Variants in OR10A2 observed in about 807,000 individuals in gnomAD.
The protein encoded by OR10A2 is olfactory receptor family 10 subfamily A member 2.
A neutral mutation model predicts 13.7 loss-of-function variants in OR10A2; 15 were observed. That is an observed-to-expected ratio of 1.10 (90% CI 0.73 to 1.69). The LOEUF (loss-of-function observed/expected upper bound fraction) is 1.69. OR10A2 is among the 40% of genes most tolerant of loss of function. The pLI, the probability that OR10A2 is intolerant of heterozygous loss-of-function variation, is 0.00. For synonymous variants in OR10A2, 145 were observed against 144.7 expected (o/e 1.00, Z -0.02); for missense variants, 343 against 361.1 (o/e 0.95, Z 0.41).
intron 1 of OR10A2, among the ~76,000 whole-genome samples, chr11:6,863,711 C>T (rs1439368787): frequency 4.6e-5 from 7 of 152,110 alleles, no homozygotes; most frequent in Admixed American, 4.6e-4. Flanking sequence ...AAAAGACTTG[C>T]CTCAGTGGAA....
In OR10A2 at chr11:6,872,813, CTTTCTTT is replaced by C. The variant is rs1186388201; in HGVS notation, c.*2151_*2157del. The C allele has an allele frequency of 1.7e-5, 2 of 120,146 alleles. No individual in the cohort carries two copies. The highest frequency in any genetic ancestry group is 9.3e-5 in the Admixed American group (1 of 10,740). The allele number at this position is 120,146 out of a possible 1,614,324, so 7.4% of individuals were successfully genotyped here. The stretch of plus-strand genomic sequence containing the variant: ...CAAGTGTTTCTCTTTTCTTTTCTTT[CTTTCTTT>C]TTTTTTTTTTTTTTGAGACAAAGGT... On this transcript the variant is annotated 3_prime_UTR_variant, in exon 2 of 2. Transcript: ENST00000641461.
Position 6,869,964 on chromosome 11 carries a change from G to T in OR10A2, c.210G>T (p.Gly70=), listed in dbSNP as rs1173249863. Reference sequence around the variant, plus strand: ...TAGTCATTGTGCCCAAAATGCTGGGGACCCTGCTTGCCCAGGACACAACCA... The same window carrying T: ...TAGTCATTGTGCCCAAAATGCTGGGTACCCTGCTTGCCCAGGACACAACCA... ...FNLVIVPKML[G]TLLAQDTTIS... The change falls in exon 2 of 2, where the codon GGG becomes GGT. Residue 70 remains glycine (G), a synonymous_variant. Coordinates refer to ENST00000641461, the MANE Select transcript of OR10A2 (RefSeq NM_001004460.2). 6 of 1,613,974 alleles carry T rather than the reference G, an allele frequency of 3.7e-6. No individual in the cohort carries two copies. The East Asian group carries it at 1.3e-4, about 36-fold the overall frequency.
At position 6,870,727 on chromosome 11, in the gene OR10A2, T is replaced by C; in HGVS notation, c.*61T>C. ...AAACAATCAGTCCCAGATTTGAGAT[T>C]CCTCTCTGCATCTTTCCACATCTCC... On this transcript the variant is annotated 3_prime_UTR_variant, in exon 2 of 2. Coordinates refer to ENST00000641461, the MANE Select transcript of OR10A2 (RefSeq NM_001004460.2). The C allele has an allele frequency of 7.7e-7, 1 of 1,304,466 alleles. No individual in the cohort carries two copies. Among genetic ancestry groups the C allele is most frequent in the East Asian group, 2.3e-5 (1 of 43,106 alleles). 80.8% of individuals were successfully genotyped at this position (1,304,466 alleles called of 1,614,324 possible). A position where few individuals can be genotyped will look rare whatever the true frequency, so the allele number is the denominator to read the frequency against.
intron 1 of OR10A2, among the ~76,000 whole-genome samples, chr11:6,866,674 T>C (rs2133068207): frequency 2.0e-5 from 3 of 152,230 alleles, no homozygotes; most frequent in Middle Eastern, 6.8e-3. Context: ...ATTTTTTTGT[T>C]TGGTTGTGGT....
Position 6,863,114 on chromosome 11 carries a change from G to A in OR10A2, c.-370G>A, listed in dbSNP as rs1357886968. 6.6e-6 allele frequency: 1 copy of A among 152,274 alleles called. No homozygotes were observed. The highest frequency in any genetic ancestry group is 1.5e-5 in the Non-Finnish European group (1 of 68,084). 9.4% of individuals were successfully genotyped at this position (152,274 alleles called of 1,614,324 possible). ...GAACAACTCTCCCAAAACCAGGACT[G>A]GGAGCATGGCCAAACTTCATAGTGA... On this transcript the variant is annotated 5_prime_UTR_variant, in exon 1 of 2. Coordinates refer to ENST00000641461, the MANE Select transcript of OR10A2 (RefSeq NM_001004460.2).
rs529999136 is a variant in OR10A2, at chr11:6,863,287, A to G, written c.-197A>G. 1 of 151,552 alleles carries G rather than the reference A, an allele frequency of 6.6e-6. No homozygotes were observed. Among genetic ancestry groups the G allele is most frequent in the Non-Finnish European group, 1.5e-5 (1 of 67,890 alleles). 9.4% of individuals were successfully genotyped at this position (151,552 alleles called of 1,614,324 possible). On this transcript the variant is annotated 5_prime_UTR_variant, in exon 1 of 2. Transcript: ENST00000641461. ...TAGAGCTGTTATATTACATGCATGA[A>G]GGACATGCATGAAGCATGGATGTCA...
chr11:6,865,900 C>A (rs2133067895), intron 1 of OR10A2, among the ~76,000 whole-genome samples: 1 of 152,282 alleles, frequency 6.6e-6, no homozygotes, highest in South Asian at 2.1e-4. Context: ...TCTTTTATAT[C>A]CAGACCTGCT....
intron 1 of OR10A2, among the ~76,000 whole-genome samples, chr11:6,866,112 G>T (rs375815900): frequency 2.2e-4 from 33 of 152,260 alleles, no homozygotes; most frequent in African/African-American, 5.8e-4. Context: ...GTTTACTAAG[G>T]TATAAATGCA....
chr11:6,870,861 C>G lies in OR10A2; in HGVS notation c.*195C>G. 2.0e-6 allele frequency: 1 copy of G among 496,250 alleles called. No homozygotes were observed. The highest frequency in any genetic ancestry group is 3.5e-6 in the Non-Finnish European group (1 of 282,524). 30.7% of individuals were successfully genotyped at this position (496,250 alleles called of 1,614,324 possible). A position where few individuals can be genotyped will look rare whatever the true frequency, so the allele number is the denominator to read the frequency against. ...CCACCAACTATGAAAACTCCTCTGC[C>G]TGCCCATTGTAGACTTACATTGTTT... On this transcript the variant is annotated 3_prime_UTR_variant, in exon 2 of 2. Transcript: ENST00000641461.
At position 6,874,289 on chromosome 11, in the gene OR10A2, T is replaced by A. The variant is rs528671340; in HGVS notation, c.*3623T>A. The A allele has an allele frequency of 1.5e-3, 236 of 152,332 alleles. No homozygotes were observed. Among genetic ancestry groups the A allele is most frequent in the African/African-American group, 5.4e-3 (226 of 41,576 alleles). 9.4% of individuals were successfully genotyped at this position (152,332 alleles called of 1,614,324 possible). A position where few individuals can be genotyped will look rare whatever the true frequency, so the allele number is the denominator to read the frequency against. ...TACTGGGCATCTACCTTTCTAGGCATTGGGGTAAAAAAATGAATAACACAA... is the reference window on the plus strand; with the variant it reads ...TACTGGGCATCTACCTTTCTAGGCAATGGGGTAAAAAAATGAATAACACAA... On this transcript the variant is annotated 3_prime_UTR_variant, in exon 2 of 2. Coordinates refer to ENST00000641461, the MANE Select transcript of OR10A2 (RefSeq NM_001004460.2).
In OR10A2 at chr11:6,869,607, C is replaced by A; in HGVS notation, c.-132-16C>A. On this transcript the variant is annotated splice_polypyrimidine_tract_variant and intron_variant, in intron 1 of 1. Coordinates refer to ENST00000641461, the MANE Select transcript of OR10A2 (RefSeq NM_001004460.2). The stretch of plus-strand genomic sequence containing the variant: ...TCCTCTGCCTGAGGTGCTGACCTTG[C>A]CTCTTTCCCTGACAGTAAGAACGAG... 1 of 744,370 alleles carries A rather than the reference C, an allele frequency of 1.3e-6. No individual in the cohort carries two copies. Among genetic ancestry groups the A allele is most frequent in the South Asian group, 1.7e-5 (1 of 58,710 alleles). 46.1% of individuals were successfully genotyped at this position (744,370 alleles called of 1,614,324 possible).
Position 6,870,878 on chromosome 11 carries a change from A to G in OR10A2, c.*212A>G. 1 of 448,274 alleles carries G rather than the reference A, an allele frequency of 2.2e-6. No homozygotes were observed. The highest frequency in any genetic ancestry group is 3.9e-6 in the Non-Finnish European group (1 of 254,410). 27.8% of individuals were successfully genotyped at this position (448,274 alleles called of 1,614,324 possible). On this transcript the variant is annotated 3_prime_UTR_variant, in exon 2 of 2. Transcript: ENST00000641461. ...TCCTCTGCCTGCCCATTGTAGACTT[A>G]CATTGTTTTCCTTGTTTCAACTGGT...
chr11:6,863,700 A>G (rs1194619673), intron 1 of OR10A2, among the ~76,000 whole-genome samples: 2 of 152,164 alleles, frequency 1.3e-5, no homozygotes, highest in South Asian at 2.1e-4. Context: ...AAGTAACACA[A>G]AAAAGACTTG....
At position 6,870,162 on chromosome 11, in the gene OR10A2, G is replaced by C; in HGVS notation, c.408G>C (p.Trp136Cys). 6.2e-7 allele frequency: 1 copy of C among 1,614,216 alleles called. No homozygotes were observed. The highest frequency in any genetic ancestry group is 8.5e-7 in the Non-Finnish European group (1 of 1,180,040). ...RTRAKLAAASWFPGFPVATVQ... is the reference protein window; with the variant it reads ...RTRAKLAAASCFPGFPVATVQ... Reference sequence around the variant, plus strand: ...GTGCCAAACTGGCTGCTGCCTCCTGGTTCCCAGGCTTTCCTGTAGCTACTG... The same window carrying C: ...GTGCCAAACTGGCTGCTGCCTCCTGCTTCCCAGGCTTTCCTGTAGCTACTG... Residue 136 changes from tryptophan (W) to cysteine (C), a missense_variant, in exon 2 of 2, where the codon TGG (tryptophan) becomes TGC (cysteine). Coordinates refer to ENST00000641461, the MANE Select transcript of OR10A2 (RefSeq NM_001004460.2).
At chr11:6,863,679 G>A (rs775411375) in intron 1 of OR10A2, among the ~76,000 whole-genome samples, 4 of 152,078 alleles carry the variant, frequency 2.6e-5, no homozygotes, top group Non-Finnish European at 5.9e-5. Flanking sequence ...TTCAGGTCTT[G>A]ATTTTCGTCT....
rs1340172167 is a variant in OR10A2, at chr11:6,869,799, T to C, written c.45T>C (p.Phe15=). The part of the protein sequence containing the change: ...SLPTEIQSLL[F]LTFLTIYLVT... Reference sequence around the variant, plus strand: ...CTACTGAAATACAGTCATTACTCTTTCTGACATTTCTAACCATCTACCTGG... The same window carrying C: ...CTACTGAAATACAGTCATTACTCTTCCTGACATTTCTAACCATCTACCTGG... Residue 15 remains phenylalanine, a synonymous_variant, in exon 2 of 2, where the codon TTT becomes TTC. Transcript: ENST00000641461. 10 of 1,614,042 alleles carry C rather than the reference T, an allele frequency of 6.2e-6. No homozygotes were observed. The highest frequency in any genetic ancestry group is 2.2e-5 in the South Asian group (2 of 91,080).
intron 1 of OR10A2, among the ~76,000 whole-genome samples, chr11:6,864,372 A>T (rs976890543): frequency 5.9e-5 from 9 of 152,172 alleles, no homozygotes; most frequent in Non-Finnish European, 1.2e-4. Context: ...AAGAAGAATG[A>T]ACTTTGTAGA....
intron 1 of OR10A2, among the ~76,000 whole-genome samples, chr11:6,867,448 G>C (rs1179600751): frequency 6.6e-6 from 1 of 152,146 alleles, no homozygotes; most frequent in African/African-American, 2.4e-5. Flanking sequence ...CTGGCCTCAA[G>C]TGATCCTCCT....
intron 1 of OR10A2, among the ~76,000 whole-genome samples, chr11:6,864,754 G>A (rs1016580237): frequency 6.6e-6 from 1 of 151,914 alleles, no homozygotes; most frequent in Non-Finnish European, 1.5e-5. Flanking sequence ...CAGCAGTGAA[G>A]CAGAAGAAGG....
Sources: allele counts gnomAD v4.1 joint callset (sites outside exome capture counted in the v4.1 genomes callset), GRCh38; gene constraint gnomAD v4.1.1; transcripts MANE v1.5; gene names NCBI Gene and HGNC (gene_info 2026-07-23, HGNC 2026-07-21).